The following ARID1B variants were observed in gnomAD, a reference collection of about 807,000 sequenced individuals.
ARID1B encodes the protein AT-rich interaction domain 1B.
Under a neutral mutation model 212.3 loss-of-function variants are expected in ARID1B, and 30 were observed. The observed-to-expected ratio is 0.14, with a 90% CI of 0.11 to 0.19. ARID1B has a LOEUF of 0.19. Among genes scored for constraint, ARID1B ranks in the 10% least tolerant of loss-of-function variants. ARID1B has a pLI of 1.00. For missense variants in ARID1B, 2,891 were observed against 3,204.0 expected (o/e 0.90, Z 2.36); for synonymous variants, 1,402 against 1,301.7 (o/e 1.08, Z -1.66).
chr6:157,146,831 A>C (rs1018632611), intron 7 of ARID1B, among the ~76,000 whole-genome samples: 1 of 152,204 alleles, frequency 6.6e-6, no homozygotes. Context: ...ACACTAATCC[A>C]TATTCCACAC....
chr6:156,835,836 G>T (rs1309024736), intron 2 of ARID1B, among the ~76,000 whole-genome samples: 1 of 152,014 alleles, frequency 6.6e-6, no homozygotes, highest in African/African-American at 2.4e-5. Flanking sequence ...TGACCTCCTG[G>T]GCTCAAACAA....
intron 4 of ARID1B, among the ~76,000 whole-genome samples, chr6:156,968,885 T>C (rs1562518286): frequency 6.6e-6 from 1 of 152,238 alleles, no homozygotes; most frequent in Non-Finnish European, 1.5e-5. Flanking sequence ...TTACTCTGGC[T>C]TGAGGTTGTG....
intron 4 of ARID1B, among the ~76,000 whole-genome samples, chr6:157,019,716 C>T (rs1780113256): frequency 6.6e-6 from 1 of 152,126 alleles, no homozygotes; most frequent in South Asian, 2.1e-4. Context: ...CAGTCATCCA[C>T]GCTCACTCAA....
chr6:157,179,415 A>C (rs1240654230), intron 11 of ARID1B, among the ~76,000 whole-genome samples: 11 of 152,048 alleles, frequency 7.2e-5, no homozygotes, highest in Non-Finnish European at 1.2e-4. Context: ...AAGCTTTAAA[A>C]ATTTATTTGG....
At chr6:156,935,245 A>C (rs531554164) in intron 3 of ARID1B, among the ~76,000 whole-genome samples, 1 of 151,604 alleles carries the variant, frequency 6.6e-6, no homozygotes, top group African/African-American at 2.4e-5. Context: ...CACTCGGCTA[A>C]TTTTTTATTA....
At chr6:157,165,755 G>A (rs956410702) in intron 8 of ARID1B, among the ~76,000 whole-genome samples, 7 of 152,140 alleles carry the variant, frequency 4.6e-5, no homozygotes, top group African/African-American at 7.2e-5. Flanking sequence ...AGAGTGAGGC[G>A]GGAGAGTCGC....
chr6:157,174,766 A>T, intron 10 of ARID1B, 81 bp from the exon 11 acceptor site: 1 of 970,232 alleles, frequency 1.0e-6, no homozygotes, highest in South Asian at 2.9e-5. Context: ...TTAGTTTGTT[A>T]AAGTGGATGT....
At chr6:157,030,325 A>G (rs1444140120) in intron 4 of ARID1B, 1 of 152,214 alleles carries the variant, frequency 6.6e-6, no homozygotes, top group Non-Finnish European at 1.5e-5. Context: ...TGAGTCCTAG[A>G]CTTGGAAGTG....
At chr6:156,817,785 G>A (rs1035216152) in intron 1 of ARID1B, among the ~76,000 whole-genome samples, 1 of 152,042 alleles carries the variant, frequency 6.6e-6, no homozygotes, top group African/African-American at 2.4e-5. Flanking sequence ...TATTCTGTCT[G>A]TTCATCTATC....
chr6:156,783,868 G>T (rs1779451645), intron 1 of ARID1B, among the ~76,000 whole-genome samples: 1 of 152,126 alleles, frequency 6.6e-6, no homozygotes, highest in African/African-American at 2.4e-5. Context: ...GATCCATGTG[G>T]GTGGAAAAGG....
chr6:156,981,919 A>AT (rs1183997614), intron 4 of ARID1B, among the ~76,000 whole-genome samples: 1 of 151,512 alleles, frequency 6.6e-6, no homozygotes, highest in African/African-American at 2.4e-5. Context: ...CAGCTCCAGT[A>AT]TTTTTTCTTA....
intron 7 of ARID1B, among the ~76,000 whole-genome samples, chr6:157,136,011 A>G (rs921123039): frequency 5.9e-5 from 9 of 152,174 alleles, no homozygotes; most frequent in East Asian, 3.9e-4. Context: ...CTCATATTTT[A>G]TATGAGAAGC....
chr6:157,025,098 T>C (rs1192817708), intron 4 of ARID1B, among the ~76,000 whole-genome samples: 2 of 152,216 alleles, frequency 1.3e-5, no homozygotes, highest in Admixed American at 6.5e-5. Flanking sequence ...GATTCCTTTC[T>C]TACTCCAAAG....
intron 4 of ARID1B, among the ~76,000 whole-genome samples, chr6:157,010,106 G>A (rs1466325060): frequency 6.6e-6 from 1 of 152,062 alleles, no homozygotes; most frequent in African/African-American, 2.4e-5. Context: ...AGCAATATGA[G>A]GGAACCTAAA....
At chr6:157,077,924 CATT>C (rs1279783394) in intron 4 of ARID1B, among the ~76,000 whole-genome samples, 1 of 152,190 alleles carries the variant, frequency 6.6e-6, no homozygotes, top group African/African-American at 2.4e-5. Flanking sequence ...CCTTTCCTCA[CATT>C]ATTCAGTATC....
chr6:157,001,629 A>G (rs11156131), intron 4 of ARID1B, among the ~76,000 whole-genome samples: 40,361 of 152,160 alleles, frequency 0.27, 5,819 homozygotes, highest in Non-Finnish European at 0.32. Flanking sequence ...ACGCAGTACT[A>G]CATCTGAGCT....
chr6:157,136,934 T>C (rs1189787485), intron 7 of ARID1B, among the ~76,000 whole-genome samples: 1 of 151,598 alleles, frequency 6.6e-6, no homozygotes, highest in Non-Finnish European at 1.5e-5. Flanking sequence ...TCTCAGCACT[T>C]TGAGAGGCTG....
intron 5 of ARID1B, chr6:157,107,633 G>A (rs978795409): frequency 6.6e-6 from 1 of 152,120 alleles, no homozygotes; most frequent in African/African-American, 2.4e-5. Flanking sequence ...CTAATTCATA[G>A]TATAGTGTTT....
intron 2 of ARID1B, among the ~76,000 whole-genome samples, chr6:156,843,306 T>C (rs1438752141): frequency 6.6e-6 from 1 of 152,210 alleles, no homozygotes; most frequent in Non-Finnish European, 1.5e-5. Flanking sequence ...AAATACAATT[T>C]TTAAATTAAA....
Sources: gnomAD v4.1 joint callset for allele counts (sites outside exome capture counted in the v4.1 genomes callset) on GRCh38, gnomAD v4.1.1 for gene constraint, MANE v1.5 for transcripts, NCBI Gene and HGNC (gene_info 2026-07-23, HGNC 2026-07-21) for gene names.